MOB1B: variants seen among roughly 807,000 people sequenced by gnomAD.
The protein encoded by MOB1B is MOB kinase activator 1B.
In MOB1B, 19 loss-of-function variants were observed where a neutral mutation model predicts 24.4. The ratio of observed to expected loss-of-function variants is 0.78; its 90% confidence interval spans 0.54 to 1.14. The LOEUF is 1.14. MOB1B is among the 50% of genes most tolerant of loss of function. MOB1B has a pLI of 0.00. For synonymous variants in MOB1B, 76 were observed against 82.1 expected (o/e 0.93, Z 0.40); for missense variants, 243 against 259.6 (o/e 0.94, Z 0.44).
chr4:70,902,221 C>G (rs532907913), upstream of MOB1B: 2 of 531,292 alleles, frequency 3.8e-6, no homozygotes, highest in African/African-American at 2.0e-5. Flanking sequence ...CCGGGGTGGG[C>G]TTGCACCGCT....
rs187710866 is a variant in MOB1B, at chr4:70,967,330, C to T, written c.182-2601C>T. Among the ~76,000 whole-genome samples the T allele has an allele frequency of 2.4e-4, 37 of 152,276 alleles. No individual in the cohort carries two copies. In the East Asian group the frequency reaches 6.9e-3, roughly 29 times the overall value. On this transcript the variant is annotated intron_variant, in intron 2 of 5. Coordinates refer to ENST00000309395, the MANE Select transcript of MOB1B (RefSeq NM_173468.4). ...TGGTATTTCAGTAGACATAGGGTTT[C>T]ACCATATTGTTCAGGCTGGTCTCCA...
At chr4:70,972,934 C>T (rs183326286) in intron 3 of MOB1B, among the ~76,000 whole-genome samples, 6,925 of 152,042 alleles carry the variant, frequency 0.046, 297 homozygotes, top group African/African-American at 0.11. Flanking sequence ...CCACCACACC[C>T]GGCTAATTTT....
chr4:70,952,091 T>C (rs1349895614), intron 1 of MOB1B, among the ~76,000 whole-genome samples: 1 of 152,220 alleles, frequency 6.6e-6, no homozygotes, highest in Non-Finnish European at 1.5e-5. Flanking sequence ...ACAACAGTTC[T>C]AGGAATTTAA....
chr4:70,929,045 T>G lies in MOB1B; in HGVS notation c.14+26495T>G, dbSNP rs146233262. 7.4e-3 allele frequency among the ~76,000 whole-genome samples: 1,132 copies of G among 152,292 alleles called. 13 individuals are homozygous for G. The highest frequency in any genetic ancestry group is 0.026 in the African/African-American group (1,093 of 41,558). ...CATTTCCCTGCATTCCCACTATCAT[T>G]GCATCATTAAGAAAAAGAGTCATGA... On this transcript the variant is annotated intron_variant, in intron 1 of 5. Coordinates refer to ENST00000309395, the MANE Select transcript of MOB1B (RefSeq NM_173468.4).
At chr4:70,979,411 T>A (rs1204036504) in intron 5 of MOB1B, 120 bp downstream of exon 5, 1 of 684,016 alleles carries the variant, frequency 1.5e-6, no homozygotes. Context: ...GTCTGCATCC[T>A]CTTCTACAGT....
chr4:70,936,363 C>T (rs570241705), intron 1 of MOB1B, among the ~76,000 whole-genome samples: 1 of 152,216 alleles, frequency 6.6e-6, no homozygotes, highest in East Asian at 1.9e-4. Context: ...ATTGTGGTTT[C>T]TTTTGCTTGC....
intron 1 of MOB1B, among the ~76,000 whole-genome samples, chr4:70,948,641 A>G (rs1167720429): frequency 6.6e-6 from 1 of 152,070 alleles, no homozygotes; most frequent in Non-Finnish European, 1.5e-5. Context: ...CATTAGATAT[A>G]TTGTTGAGTA....
chr4:70,936,228 A>G (rs947290933), intron 1 of MOB1B, among the ~76,000 whole-genome samples: 3 of 151,906 alleles, frequency 2.0e-5, no homozygotes, highest in African/African-American at 7.3e-5. Flanking sequence ...TCCTGAGCTC[A>G]AGCAGTCCGC....
intron 1 of MOB1B, among the ~76,000 whole-genome samples, chr4:70,952,935 CTTTTTTTTTT>C (rs71211985): frequency 1.4e-4 from 10 of 72,308 alleles, no homozygotes; most frequent in East Asian, 4.9e-4. Context: ...GTCATTTGGT[CTTTTTTTTTT>C]TTTTTTTTTT....
rs558601044 is a variant in MOB1B at position 70,986,047 on chromosome 4, C to T, written c.*3990C>T. 1 of 152,162 alleles carries T rather than the reference C, an allele frequency of 6.6e-6. No individual in the cohort carries two copies. The highest frequency in any genetic ancestry group is 1.5e-5 in the Non-Finnish European group (1 of 68,018). The allele number at this position is 152,162 out of a possible 1,614,324, so 9.4% of individuals were successfully genotyped here. ...GGAGGTTTTACTTTTTAAAAACATT[C>T]AGCTTAATTACCTTACCTTAATTAC... On this transcript the variant is annotated 3_prime_UTR_variant, in exon 6 of 6. Transcript: ENST00000309395.
Position 70,931,950 on chromosome 4 carries a change from G to C in MOB1B, c.15-26924G>C, listed in dbSNP as rs559220168. Among the ~76,000 whole-genome samples, 46 of 152,188 alleles carry C rather than the reference G, an allele frequency of 3.0e-4. No homozygotes were observed. The East Asian group carries it at 7.5e-3, about 25-fold the overall frequency. ...TTACTGTGTGGCCCAGGTTAGTCTC[G>C]AAGTCCTGGGCTCAAGCAATCCTCC... On this transcript the variant is annotated intron_variant, in intron 1 of 5. Transcript: ENST00000309395.
chr4:70,909,148 A>G (rs1735879299), intron 1 of MOB1B, among the ~76,000 whole-genome samples: 1 of 151,294 alleles, frequency 6.6e-6, no homozygotes, highest in Admixed American at 6.6e-5. Flanking sequence ...TGATGGTGCT[A>G]TGTTTATATG....
intron 1 of MOB1B, among the ~76,000 whole-genome samples, chr4:70,952,943 T>C (rs1737874266): frequency 1.5e-5 from 2 of 135,608 alleles, no homozygotes; most frequent in African/African-American, 5.8e-5. Flanking sequence ...GTCTTTTTTT[T>C]TTTTTTTTTT....
At chr4:70,979,389 C>A in intron 5 of MOB1B, 98 bp downstream of exon 5, 1 of 930,952 alleles carries the variant, frequency 1.1e-6, no homozygotes, top group Non-Finnish European at 1.6e-6. Flanking sequence ...TGGAATTTGC[C>A]ATATCTCTGT....
intron 1 of MOB1B, among the ~76,000 whole-genome samples, chr4:70,919,438 C>G (rs879321059): frequency 1.4e-4 from 21 of 151,932 alleles, no homozygotes; most frequent in Non-Finnish European, 2.2e-4. Flanking sequence ...CTTTTATAAC[C>G]TTTTACCAAA....
chr4:70,935,847 ATTTTTTTTTT>A (rs11395356), intron 1 of MOB1B, among the ~76,000 whole-genome samples: 1 of 100,396 alleles, frequency 1.0e-5, no homozygotes, highest in African/African-American at 4.1e-5. Flanking sequence ...TGGTACACTA[ATTTTTTTTTT>A]TTTTTTTTTT....
intron 1 of MOB1B, among the ~76,000 whole-genome samples, chr4:70,915,536 C>G (rs977956224): frequency 6.6e-6 from 1 of 152,074 alleles, no homozygotes; most frequent in Non-Finnish European, 1.5e-5. Flanking sequence ...TCAGGTACGC[C>G]CTATATAAAT....
At chr4:70,932,695 T>C (rs1228973323) in intron 1 of MOB1B, among the ~76,000 whole-genome samples, 1 of 152,186 alleles carries the variant, frequency 6.6e-6, no homozygotes, top group African/African-American at 2.4e-5. Flanking sequence ...TGCTGCTTGT[T>C]GGTTTTGTAA....
chr4:70,942,614 A>G (rs920126780), intron 1 of MOB1B, among the ~76,000 whole-genome samples: 5 of 152,156 alleles, frequency 3.3e-5, no homozygotes, highest in African/African-American at 1.2e-4. Flanking sequence ...ACCTATCCTG[A>G]ATGTATGTGT....
Sources: allele counts gnomAD v4.1 joint callset (sites outside exome capture counted in the v4.1 genomes callset), GRCh38; gene constraint gnomAD v4.1.1; transcripts MANE v1.5; gene names NCBI Gene and HGNC (gene_info 2026-07-23, HGNC 2026-07-21).